PVT1: variants seen among roughly 807,000 people sequenced by gnomAD.
PVT1 encodes Pvt1 oncogene.
chr8:128,021,966 C>T (rs76270276), intron 4 of PVT1, among the ~76,000 whole-genome samples: 3,709 of 152,200 alleles, frequency 0.024, 64 homozygotes, highest in Admixed American at 0.049. Flanking sequence ...GCATGAGAAT[C>T]GCTTGAACTC....
chr8:127,944,134 C>T (rs1586448193), intron 3 of PVT1, among the ~76,000 whole-genome samples: 2 of 152,194 alleles, frequency 1.3e-5, no homozygotes, highest in East Asian at 1.9e-4. Flanking sequence ...GTGGCCCAGG[C>T]TGGAGTAGAG....
At chr8:128,006,550 T>C (rs1332786069) in intron 4 of PVT1, among the ~76,000 whole-genome samples, 2 of 152,208 alleles carry the variant, frequency 1.3e-5, no homozygotes, top group African/African-American at 4.8e-5. Context: ...CCTATGTAAG[T>C]ATCTTGTTTC....
At chr8:128,049,825 G>T (rs545143417) in intron 4 of PVT1, among the ~76,000 whole-genome samples, 1 of 152,298 alleles carries the variant, frequency 6.6e-6, no homozygotes, top group South Asian at 2.1e-4. Flanking sequence ...GGCAAGTGGT[G>T]GAACCTCTCT....
intron 3 of PVT1, among the ~76,000 whole-genome samples, chr8:127,962,385 A>G (rs1016362938): frequency 2.0e-5 from 3 of 152,076 alleles, no homozygotes; most frequent in African/African-American, 7.3e-5. Flanking sequence ...TTTTTGACAC[A>G]TGTGTTCCTT....
chr8:127,844,693 T>G (rs1424099112), intron 2 of PVT1, among the ~76,000 whole-genome samples: 23 of 142,820 alleles, frequency 1.6e-4, no homozygotes, highest in African/African-American at 6.5e-4. Flanking sequence ...TGGAGGTGTG[T>G]TTTTTTTTTG....
At chr8:128,015,054 G>GATTGATTT (rs1817356156) in intron 4 of PVT1, among the ~76,000 whole-genome samples, 3 of 146,084 alleles carry the variant, frequency 2.1e-5, no homozygotes, top group East Asian at 4.0e-4. Context: ...AAGAGAAATA[G>GATTGATTT]ATTTATTTAT....
At chr8:127,992,525 C>T (rs2130001443) in intron 4 of PVT1, among the ~76,000 whole-genome samples, 1 of 152,266 alleles carries the variant, frequency 6.6e-6, no homozygotes, top group South Asian at 2.1e-4. Context: ...AGGCACACAC[C>T]ACACACCCAG....
chr8:127,922,398 C>A (rs1816073513), intron 3 of PVT1, among the ~76,000 whole-genome samples: 1 of 151,282 alleles, frequency 6.6e-6, no homozygotes, highest in South Asian at 2.1e-4. Context: ...ATGCTGCAAC[C>A]CCTCTCCCCC....
At position 127,945,592 on chromosome 8, in the gene PVT1, C is replaced by G. The variant is rs1170694401; in HGVS notation, n.783-43570C>G. On this transcript the variant is annotated intron_variant and non_coding_transcript_variant, in intron 3 of 10. Transcript: ENST00000651587. ...AAGGCAGCATGAATCCTCACAGTTC[C>G]CAGCCTGTGCCCTGACAACCTAGGA... 3.3e-5 allele frequency among the ~76,000 whole-genome samples: 5 copies of G among 152,196 alleles called. No individual in the cohort carries two copies. The East Asian group carries it at 9.6e-4, about 29-fold the overall frequency.
chr8:128,097,035 G>A lies in PVT1; in HGVS notation n.1251+381G>A, dbSNP rs561309126. 1.5e-4 allele frequency among the ~76,000 whole-genome samples: 23 copies of A among 152,244 alleles called. No homozygotes were observed. In the Middle Eastern group the frequency reaches 0.01, roughly 68 times the overall value. On this transcript the variant is annotated intron_variant and non_coding_transcript_variant, in intron 6 of 10. Coordinates refer to ENST00000651587, the Ensembl canonical transcript of PVT1. ...GCCCCTAACCACACCTACAACTCTAGGGTTACCTTTAGTCTAGATCAGGGG... is the reference window on the plus strand; with the variant it reads ...GCCCCTAACCACACCTACAACTCTAAGGTTACCTTTAGTCTAGATCAGGGG...
At chr8:127,830,643 C>T (rs990318939) in intron 2 of PVT1, among the ~76,000 whole-genome samples, 2 of 151,590 alleles carry the variant, frequency 1.3e-5, no homozygotes, top group African/African-American at 4.8e-5. Context: ...TAGCACGTTG[C>T]GGGGCTGTGA....
At chr8:128,024,787 A>T (rs191344727) in intron 4 of PVT1, among the ~76,000 whole-genome samples, 7 of 152,380 alleles carry the variant, frequency 4.6e-5, no homozygotes, top group African/African-American at 1.4e-4. Flanking sequence ...GCAAGTCAGC[A>T]TCATGAGGAG....
intron 2 of PVT1, among the ~76,000 whole-genome samples, chr8:127,849,028 A>T (rs1815071532): frequency 6.6e-6 from 1 of 152,180 alleles, no homozygotes; most frequent in Admixed American, 6.5e-5. Context: ...ATTGCTGGGA[A>T]GGGGATGCCA....
At position 127,826,741 on chromosome 8, in the gene PVT1, TG is replaced by T. The variant is rs1171423092; in HGVS notation, n.372+30671del. Among the ~76,000 whole-genome samples the T allele has an allele frequency of 4.6e-5, 7 of 152,214 alleles. No homozygotes were observed. In the South Asian group the frequency reaches 1.5e-3, roughly 32 times the overall value. Reference sequence around the variant, plus strand: ...TGGGGCCAGGAGAGAAACTTAGCCTTGACTGTATGACTTTTTTACAGTCCTG... The same window carrying T: ...TGGGGCCAGGAGAGAAACTTAGCCTTACTGTATGACTTTTTTACAGTCCTG... On this transcript the variant is annotated intron_variant and non_coding_transcript_variant, in intron 2 of 10. Transcript: ENST00000651587.
At chr8:127,860,607 A>G (rs560376625) in intron 2 of PVT1, among the ~76,000 whole-genome samples, 292 of 152,014 alleles carry the variant, frequency 1.9e-3, no homozygotes, top group African/African-American at 6.7e-3. Context: ...TACTAAAAAT[A>G]CAAAAAAATT....
At chr8:127,798,318 C>G (rs927311335) in intron 2 of PVT1, among the ~76,000 whole-genome samples, 5 of 151,480 alleles carry the variant, frequency 3.3e-5, no homozygotes, top group African/African-American at 4.8e-5. Flanking sequence ...AAAAAAACAA[C>G]AAGAAAAGGG....
chr8:127,799,690 C>T (rs993053932), intron 2 of PVT1, among the ~76,000 whole-genome samples: 3 of 152,128 alleles, frequency 2.0e-5, no homozygotes, highest in Admixed American at 6.5e-5. Flanking sequence ...GCTGTGATGA[C>T]GAAAGAGATG....
chr8:128,019,038 C>T (rs1040995083), intron 4 of PVT1, among the ~76,000 whole-genome samples: 1 of 152,182 alleles, frequency 6.6e-6, no homozygotes, highest in Non-Finnish European at 1.5e-5. Flanking sequence ...TCTGGGCTGC[C>T]CAGTTCTTAG....
chr8:127,829,984 C>G (rs1029212134), intron 2 of PVT1, among the ~76,000 whole-genome samples: 19 of 152,182 alleles, frequency 1.2e-4, no homozygotes, highest in African/African-American at 2.7e-4. Context: ...CTTTACATAG[C>G]CTTCTTCCCT....
Sources: allele counts gnomAD v4.1 joint callset (sites outside exome capture counted in the v4.1 genomes callset), GRCh38; gene constraint gnomAD v4.1.1; transcripts MANE v1.5; gene names NCBI Gene and HGNC (gene_info 2026-07-23, HGNC 2026-07-21).